STAB2: variants seen among roughly 807,000 people sequenced by gnomAD.
STAB2 encodes the protein stabilin 2.
A neutral mutation model predicts 338.1 loss-of-function variants in STAB2; 288 were observed. The observed-to-expected ratio is 0.85, with a 90% CI of 0.77 to 0.94. The LOEUF is 0.94. STAB2 is among the 40% of genes least tolerant of loss of function. The probability of loss-of-function intolerance (pLI) is 0.00; values close to 1 mark genes in which losing one functional copy is unlikely to be tolerated. For missense variants in STAB2, 3,141 were observed against 3,210.1 expected, an observed-to-expected ratio of 0.98 and a Z score of 0.52; for synonymous variants, 1,202 against 1,193.3, an observed-to-expected ratio of 1.01 and a Z score of -0.15.
intron 3 of STAB2, among the ~76,000 whole-genome samples, chr12:103,607,637 T>C (rs1183388715): frequency 1.3e-5 from 2 of 151,596 alleles, no homozygotes; most frequent in Non-Finnish European, 2.9e-5. Context: ...ACATGTGGTG[T>C]TTGGTTTTTT....
intron 9 of STAB2, among the ~76,000 whole-genome samples, chr12:103,643,001 A>G (rs776805179): frequency 2.0e-5 from 3 of 152,216 alleles, no homozygotes; most frequent in Non-Finnish European, 4.4e-5. Flanking sequence ...ATAAAGTACC[A>G]TAAACTGAGT....
intron 38 of STAB2, among the ~76,000 whole-genome samples, chr12:103,707,520 G>C (rs1879471291): frequency 1.3e-5 from 2 of 152,170 alleles, no homozygotes; most frequent in Admixed American, 1.3e-4. Context: ...AGATCATGCT[G>C]TTCTTTACCT....
intron 39 of STAB2, among the ~76,000 whole-genome samples, chr12:103,709,760 T>C (rs1002894779): frequency 1.5e-4 from 23 of 152,184 alleles, no homozygotes; most frequent in African/African-American, 5.3e-4. Flanking sequence ...AGATGTCAAA[T>C]GTCAGGGTAC....
At chr12:103,593,284 C>T (rs1038350267) in intron 2 of STAB2, among the ~76,000 whole-genome samples, 1 of 152,198 alleles carries the variant, frequency 6.6e-6, no homozygotes, top group Admixed American at 6.5e-5. Context: ...TTCTCACCAA[C>T]AGTGTACAGT....
chr12:103,754,679 G>A (rs545078339), intron 61 of STAB2, among the ~76,000 whole-genome samples: 101 of 152,238 alleles, frequency 6.6e-4, no homozygotes, highest in African/African-American at 2.3e-3. Context: ...GCCAGGCGTG[G>A]TGACTCACGC....
intron 18 of STAB2, among the ~76,000 whole-genome samples, chr12:103,665,696 G>A (rs1301082628): frequency 6.6e-6 from 1 of 152,108 alleles, no homozygotes; most frequent in African/African-American, 2.4e-5. Flanking sequence ...ATCAGAAGCT[G>A]GCAAGGGAGC....
At chr12:103,633,974 G>A (rs766224568) in intron 6 of STAB2, among the ~76,000 whole-genome samples, 6 of 152,120 alleles carry the variant, frequency 3.9e-5, no homozygotes, top group Non-Finnish European at 8.8e-5. Context: ...CCCGGGAGAG[G>A]AGAGGAATTA....
chr12:103,685,927 C>T (rs1877389934), intron 27 of STAB2, among the ~76,000 whole-genome samples: 1 of 152,094 alleles, frequency 6.6e-6, no homozygotes, highest in Admixed American at 6.6e-5. Flanking sequence ...CCCTTCCCTT[C>T]CTGGTCTCTG....
At chr12:103,602,578 A>G (rs1956969169) in intron 3 of STAB2, among the ~76,000 whole-genome samples, 1 of 152,158 alleles carries the variant, frequency 6.6e-6, no homozygotes, top group Admixed American at 6.6e-5. Flanking sequence ...ATTATTTTTC[A>G]TTTCTATCAA....
At chr12:103,633,376 A>C (rs1005719600) in intron 6 of STAB2, among the ~76,000 whole-genome samples, 1 of 152,228 alleles carries the variant, frequency 6.6e-6, no homozygotes, top group Non-Finnish European at 1.5e-5. Flanking sequence ...CCAAAATCTA[A>C]ATTTCAGAAT....
chr12:103,643,863 C>T (rs921837606), intron 9 of STAB2, among the ~76,000 whole-genome samples: 4 of 134,596 alleles, frequency 3.0e-5, no homozygotes, highest in Admixed American at 7.1e-5. Context: ...CCAGCCGCCC[C>T]GTCCGGGAGG....
intron 3 of STAB2, 27 bp from the exon 4 acceptor site, chr12:103,620,441 A>T: frequency 6.4e-7 from 1 of 1,556,564 alleles, no homozygotes; most frequent in Non-Finnish European, 8.7e-7. Flanking sequence ...TCACGAATGA[A>T]TACATCTGAG....
In STAB2 at chr12:103,704,610, C is replaced by G. The variant is rs1471111834; in HGVS notation, c.3896C>G (p.Ser1299Cys). The G allele has an allele frequency of 6.2e-7, 1 of 1,613,796 alleles. No homozygotes were observed. The highest frequency in any genetic ancestry group is 1.7e-5 in the Admixed American group (1 of 59,948). Reference protein sequence around the residue: ...SELTCPFGTKSLGNEKRRCIY... With the variant: ...SELTCPFGTKCLGNEKRRCIY... ...CTGACCTGCCCATTCGGAACTAAAT[C>G]TCTAGTAAGTACTTTGTCTGTTTTG... The change falls in exon 36 of 69, where the codon TCT (serine) becomes TGT (cysteine). Residue 1299 changes from serine (S) to cysteine (C), a missense_variant. Transcript: ENST00000388887.
chr12:103,734,457 A>G (rs1258750634), intron 51 of STAB2, among the ~76,000 whole-genome samples: 3 of 152,158 alleles, frequency 2.0e-5, no homozygotes, highest in African/African-American at 7.2e-5. Flanking sequence ...GCACGATCAT[A>G]CAGGAGCAAG....
At chr12:103,693,678 A>C (rs959385427) in intron 31 of STAB2, among the ~76,000 whole-genome samples, 10 of 152,176 alleles carry the variant, frequency 6.6e-5, no homozygotes, top group African/African-American at 2.4e-4. Flanking sequence ...CAGTATAACA[A>C]AGGTATGACA....
In STAB2 at chr12:103,759,242, T is replaced by G; in HGVS notation, c.7217T>G (p.Leu2406Arg). 6.2e-7 allele frequency: 1 copy of G among 1,614,168 alleles called. No homozygotes were observed. The highest frequency in any genetic ancestry group is 1.1e-5 in the South Asian group (1 of 91,078). Residue 2406 changes from leucine to arginine, a missense_variant, in exon 65 of 69, where the codon CTC becomes CGC. Physicochemically the swap from Leu to Arg is moderately radical, Grantham distance 102 (BLOSUM62 -2). Coordinates refer to ENST00000388887, the MANE Select transcript of STAB2 (RefSeq NM_017564.10). ...TLQTRLGSKL[L>R]ITASQDPLQP... ...CAAACGAGGCTGGGAAGCAAGCTGC[T>G]CATCACTGCCAGCCAGGACCCACTC...
At chr12:103,678,580 G>A (rs1876604628) in intron 25 of STAB2, among the ~76,000 whole-genome samples, 1 of 152,198 alleles carries the variant, frequency 6.6e-6, no homozygotes, top group Admixed American at 6.5e-5. Context: ...AGGCTGGAGT[G>A]CAGTGGCACG....
At chr12:103,669,682 C>A in intron 21 of STAB2, 55 bp downstream of exon 21, 1 of 1,510,584 alleles carries the variant, frequency 6.6e-7, no homozygotes, top group Non-Finnish European at 9.2e-7. Flanking sequence ...ATTTTTAGAA[C>A]TTCTAAACCA....
intron 10 of STAB2, among the ~76,000 whole-genome samples, chr12:103,649,678 T>C (rs1387464597): frequency 6.6e-6 from 1 of 152,200 alleles, no homozygotes; most frequent in Non-Finnish European, 1.5e-5. Flanking sequence ...AAATATCCCA[T>C]TTAATGTCTC....
Sources: gnomAD v4.1 joint callset for allele counts (sites outside exome capture counted in the v4.1 genomes callset) on GRCh38, gnomAD v4.1.1 for gene constraint, MANE v1.5 for transcripts, NCBI Gene and HGNC (gene_info 2026-07-23, HGNC 2026-07-21) for gene names.